The following UNC13C variants were observed in gnomAD, a reference collection of about 807,000 sequenced individuals.
UNC13C encodes the protein protein unc-13 homolog C.
Under a neutral mutation model 245.4 loss-of-function variants are expected in UNC13C, and 174 were observed. The ratio of observed to expected loss-of-function variants is 0.71; its 90% confidence interval spans 0.63 to 0.80. The LOEUF is 0.80. Among genes scored for constraint, UNC13C ranks in the 30% least tolerant of loss-of-function variants. The probability of loss-of-function intolerance (pLI) is 0.00; values close to 1 mark genes in which losing one functional copy is unlikely to be tolerated. For synonymous variants in UNC13C, 992 were observed against 895.1 expected, an observed-to-expected ratio of 1.11 and a Z score of -1.93; for missense variants, 2,829 against 2,602.9, an observed-to-expected ratio of 1.09 and a Z score of -1.89.
intron 32 of UNC13C, among the ~76,000 whole-genome samples, chr15:54,624,983 A>AACTT (rs1901043725): frequency 6.6e-6 from 1 of 152,132 alleles, no homozygotes; most frequent in Non-Finnish European, 1.5e-5. Flanking sequence ...GGAAAGTGAA[A>AACTT]ACTTGATGTA....
the UNC13C span, among the ~76,000 whole-genome samples, chr15:53,859,376 T>G: frequency 6.6e-6 from 1 of 152,146 alleles, no homozygotes; most frequent in Non-Finnish European, 1.5e-5. Context: ...CATTTCCAGA[T>G]TTTAAAATTT....
At chr15:54,586,008 T>A (rs1403545946) in intron 30 of UNC13C, among the ~76,000 whole-genome samples, 1 of 152,198 alleles carries the variant, frequency 6.6e-6, no homozygotes, top group Non-Finnish European at 1.5e-5. Context: ...AGATACCTGC[T>A]GAAATTACCC....
At chr15:54,271,565 G>A (rs1173591908) in intron 10 of UNC13C, among the ~76,000 whole-genome samples, 1 of 152,148 alleles carries the variant, frequency 6.6e-6, no homozygotes, top group African/African-American at 2.4e-5. Context: ...TTCTTCATAT[G>A]TTGATGCTGT....
At chr15:54,600,939 T>A (rs2141271803) in intron 30 of UNC13C, among the ~76,000 whole-genome samples, 1 of 152,166 alleles carries the variant, frequency 6.6e-6, no homozygotes, top group East Asian at 1.9e-4. Flanking sequence ...GAATAAGAAT[T>A]GTCTTAGGTC....
At chr15:53,937,190 C>G in the UNC13C span, among the ~76,000 whole-genome samples, 4 of 152,280 alleles carry the variant, frequency 2.6e-5, no homozygotes, top group Admixed American at 2.6e-4. Context: ...AGGATCATAA[C>G]TAACCTGATG....
At chr15:54,117,027 A>T (rs1245007667) in intron 2 of UNC13C, among the ~76,000 whole-genome samples, 7 of 152,034 alleles carry the variant, frequency 4.6e-5, no homozygotes, top group Admixed American at 3.9e-4. Context: ...ATGATTGGAG[A>T]TGTTGAGTTT....
intron 1 of UNC13C, among the ~76,000 whole-genome samples, chr15:53,999,669 A>G (rs2140972337): frequency 6.6e-6 from 1 of 151,896 alleles, no homozygotes; most frequent in East Asian, 1.9e-4. Context: ...AGATTCTTAG[A>G]TTATTTAAAC....
intron 26 of UNC13C, among the ~76,000 whole-genome samples, chr15:54,541,080 G>A (rs781626781): frequency 5.3e-5 from 8 of 151,942 alleles, no homozygotes; most frequent in African/African-American, 9.7e-5. Context: ...TACAGGAGCC[G>A]GAGTTCCACA....
At chr15:53,882,525 G>A in the UNC13C span, among the ~76,000 whole-genome samples, 3 of 152,122 alleles carry the variant, frequency 2.0e-5, no homozygotes, top group Non-Finnish European at 4.4e-5. Context: ...ACATTGGCAA[G>A]CCTTGATGAC....
At chr15:54,628,637 C>A (rs1358853674), downstream of UNC13C, 2 of 152,504 alleles carry the variant, frequency 1.3e-5, no homozygotes, top group Admixed American at 1.3e-4. Flanking sequence ...CTTTTTATTT[C>A]ATTTATGCAA....
At chr15:54,288,142 T>C (rs1318834019) in intron 10 of UNC13C, among the ~76,000 whole-genome samples, 1 of 152,192 alleles carries the variant, frequency 6.6e-6, no homozygotes, top group Non-Finnish European at 1.5e-5. Context: ...TACATAGTCT[T>C]TGTATGTAGC....
At chr15:54,037,760 A>T (rs1024952397) in intron 2 of UNC13C, among the ~76,000 whole-genome samples, 4 of 152,072 alleles carry the variant, frequency 2.6e-5, no homozygotes, top group Non-Finnish European at 4.4e-5. Context: ...GCACTTAGGG[A>T]CAAAATGGTT....
the UNC13C span, among the ~76,000 whole-genome samples, chr15:53,856,099 G>A: frequency 2.6e-5 from 4 of 152,104 alleles, no homozygotes; most frequent in African/African-American, 7.2e-5. Context: ...AGTGTTCTCT[G>A]ATGATTGCTT....
chr15:54,230,849 TACCCCATA>T (rs1156539069), intron 4 of UNC13C, among the ~76,000 whole-genome samples: 1 of 152,064 alleles, frequency 6.6e-6, no homozygotes, highest in African/African-American at 2.4e-5. Context: ...CATCACATTG[TACCCCATA>T]AATGTGTATA....
chr15:54,103,929 G>C (rs917098899), intron 2 of UNC13C, among the ~76,000 whole-genome samples: 2 of 151,240 alleles, frequency 1.3e-5, no homozygotes, highest in Non-Finnish European at 2.9e-5. Flanking sequence ...ATTTTTAGTA[G>C]AGACAGGGTT....
In UNC13C at chr15:54,500,992, AATG is replaced by A; in HGVS notation, c.5301+16_5301+18del. On this transcript the variant is annotated intron_variant, in intron 22 of 32. Transcript: ENST00000260323. ...AGATTTGCAAAGGTAGGTTAAATAA[AATG>A]AGTCTTCTTTTTCTCTGGGTCTGTG... 1 of 1,609,998 alleles carries A rather than the reference AATG, an allele frequency of 6.2e-7. No homozygotes were observed. Among genetic ancestry groups the A allele is most frequent in the South Asian group, 1.1e-5 (1 of 90,588 alleles).
In UNC13C at chr15:54,533,044, C is replaced by T; in HGVS notation, c.5674C>T (p.Leu1892Phe). The T allele has an allele frequency of 1.3e-6, 2 of 1,593,830 alleles. No individual in the cohort carries two copies. The highest frequency in any genetic ancestry group is 2.7e-5 in the African/African-American group (2 of 74,600). ...GGATGCAGAGATTGTGTTAAGATCT[C>T]TTATGGATTTTTTGGACAAAACGTA... ...AMDAEIVLRS[L>F]MDFLDKTLSL... Residue 1892 changes from leucine to phenylalanine, a missense_variant, in exon 26 of 33, where the codon CTT becomes TTT. Leu to Phe is a conservative substitution (Grantham distance 22, BLOSUM62 0). Transcript: ENST00000260323.
intron 2 of UNC13C, among the ~76,000 whole-genome samples, chr15:54,029,364 A>C (rs1208034042): frequency 1.3e-5 from 2 of 152,258 alleles, no homozygotes; most frequent in African/African-American, 2.4e-5. Flanking sequence ...GGGAGAAGGC[A>C]CATGATACAA....
chr15:54,332,592 T>C (rs1273787808), intron 15 of UNC13C, among the ~76,000 whole-genome samples: 1 of 151,964 alleles, frequency 6.6e-6, no homozygotes, highest in African/African-American at 2.4e-5. Context: ...GAATTCATTG[T>C]CAACAATTCT....
Sources: allele counts gnomAD v4.1 joint callset (sites outside exome capture counted in the v4.1 genomes callset), GRCh38; gene constraint gnomAD v4.1.1; transcripts MANE v1.5; gene names NCBI Gene and HGNC (gene_info 2026-07-23, HGNC 2026-07-21).